Variants in TMX4 observed in about 807,000 individuals in gnomAD.
TMX4 encodes thioredoxin-related transmembrane protein 4.
Under a neutral mutation model 33.3 loss-of-function variants are expected in TMX4, and 23 were observed. The ratio of observed to expected loss-of-function variants is 0.69; its 90% CI spans 0.50 to 0.98. The LOEUF is 0.98. Ranked by LOEUF, TMX4 falls within the 50% of genes least tolerant of loss-of-function variation. The pLI, the probability that TMX4 is intolerant of heterozygous loss-of-function variation, is 0.00. For missense variants in TMX4, 399 were observed against 448.9 expected, an observed-to-expected ratio of 0.89 and a Z score of 1.01; for synonymous variants, 164 against 161.5, an observed-to-expected ratio of 1.02 and a Z score of -0.12.
chr20:8,007,800 A>C (rs1041979195), intron 2 of TMX4, among the ~76,000 whole-genome samples: 3 of 152,232 alleles, frequency 2.0e-5, no homozygotes, highest in African/African-American at 4.8e-5. Flanking sequence ...AAACCTATTT[A>C]TCTCTGGTCC....
chr20:8,005,828 G>A (rs2050727028), intron 2 of TMX4, among the ~76,000 whole-genome samples: 1 of 152,114 alleles, frequency 6.6e-6, no homozygotes, highest in Admixed American at 6.5e-5. Context: ...CCGCTGGGTG[G>A]CCCAACTCCA....
intron 5 of TMX4, among the ~76,000 whole-genome samples, chr20:7,990,075 T>C (rs538524071): frequency 4.5e-4 from 69 of 152,058 alleles, no homozygotes; most frequent in Admixed American, 1.4e-3. Flanking sequence ...GGCGGGTGAA[T>C]CACGAGGTCA....
At chr20:7,987,461 G>T in intron 5 of TMX4, 72 bp from the exon 6 acceptor site, 1 of 1,118,528 alleles carries the variant, frequency 8.9e-7, no homozygotes, top group Non-Finnish European at 1.2e-6. Flanking sequence ...TCTCTCTCTA[G>T]CTGTTGTTTC....
rs1334095838 is a variant in TMX4, at chr20:8,019,482, G to A, written c.132C>T (p.Ala44=). ...PEQSRVQPMT[A]SNWTLVMEGE... is the part of the protein sequence containing the mutation. ...CCTCCATCACCAGCGTCCAGTTGGA[G>A]GCGGTCATGGGCTGGACCCGGCTCT... The change falls in exon 1 of 8, where the codon GCC becomes GCT. Residue 44 remains alanine (A), a synonymous_variant. Transcript: ENST00000246024. 1 of 1,515,014 alleles carries A rather than the reference G, an allele frequency of 6.6e-7. No homozygotes were observed. The highest frequency in any genetic ancestry group is 8.8e-7 in the Non-Finnish European group (1 of 1,131,112). 93.8% of individuals were successfully genotyped at this position (1,515,014 alleles called of 1,614,324 possible).
intron 2 of TMX4, among the ~76,000 whole-genome samples, chr20:8,003,948 A>G (rs1297258801): frequency 1.3e-5 from 2 of 152,130 alleles, no homozygotes; most frequent in East Asian, 1.9e-4. Flanking sequence ...ATTAACAATG[A>G]GGTTGCAGCA....
chr20:8,003,750 T>A (rs2050716560), intron 2 of TMX4, among the ~76,000 whole-genome samples: 1 of 152,150 alleles, frequency 6.6e-6, no homozygotes, highest in South Asian at 2.1e-4. Flanking sequence ...CCAAAATTGC[T>A]AGATTAAAGG....
At chr20:7,994,905 A>AAATTC (rs2050669317) in intron 5 of TMX4, among the ~76,000 whole-genome samples, 1 of 152,226 alleles carries the variant, frequency 6.6e-6, no homozygotes, top group East Asian at 1.9e-4. Context: ...AAACCACATG[A>AAATTC]AATTCAAACT....
At chr20:7,995,897 T>C (rs113087126) in intron 5 of TMX4, 129 bp downstream of exon 5, 5 of 762,404 alleles carry the variant, frequency 6.6e-6, no homozygotes, top group South Asian at 1.9e-5. Context: ...ATGAGAGTAG[T>C]TGCATGGCTT....
intron 1 of TMX4, among the ~76,000 whole-genome samples, chr20:8,018,477 A>AGG (rs549413865): frequency 1.2e-4 from 2 of 16,250 alleles, no homozygotes; most frequent in African/African-American, 2.9e-4. Context: ...GGAGGGAGGG[A>AGG]GGGGGAGAGA....
chr20:7,986,682 T>A (rs1205811120), intron 6 of TMX4, among the ~76,000 whole-genome samples: 1 of 152,172 alleles, frequency 6.6e-6, no homozygotes, highest in Non-Finnish European at 1.5e-5. Context: ...GCCTATGTAG[T>A]TAGATAAATA....
intron 5 of TMX4, among the ~76,000 whole-genome samples, chr20:7,990,769 A>T (rs777788798): frequency 3.3e-5 from 5 of 152,220 alleles, no homozygotes; most frequent in Non-Finnish European, 7.3e-5. Context: ...TTTCAGACAC[A>T]GATCAGAATC....
At chr20:8,005,471 G>A (rs1029361133) in intron 2 of TMX4, among the ~76,000 whole-genome samples, 4 of 152,182 alleles carry the variant, frequency 2.6e-5, no homozygotes, top group Admixed American at 6.5e-5. Flanking sequence ...GGAAGTGCTG[G>A]GAGGGGAAAG....
chr20:8,019,753 G>A lies in TMX4; in HGVS notation c.-140C>T. ...CGCCTACGCCTAGCGGCGCAGACTG[G>A]CGGTGCTCGCAATGCCGCGGAGGAC... On this transcript the variant is annotated 5_prime_UTR_variant, in exon 1 of 8. Transcript: ENST00000246024. 4.2e-6 allele frequency: 3 copies of A among 707,402 alleles called. No homozygotes were observed. Among genetic ancestry groups the A allele is most frequent in the Non-Finnish European group, 5.9e-6 (3 of 504,906 alleles). The allele number at this position is 707,402 out of a possible 1,614,324, so 43.8% of individuals were successfully genotyped here.
intron 4 of TMX4, among the ~76,000 whole-genome samples, chr20:7,997,507 TAA>T (rs1162887988): frequency 7.0e-6 from 1 of 143,656 alleles, no homozygotes. Flanking sequence ...TTTCCTTATT[TAA>T]AAAAAAAAAA....
At chr20:8,011,578 T>C (rs546085710) in intron 1 of TMX4, among the ~76,000 whole-genome samples, 4 of 152,054 alleles carry the variant, frequency 2.6e-5, no homozygotes, top group East Asian at 1.9e-4. Flanking sequence ...TTTCGCATTA[T>C]AAAAGATGAG....
intron 6 of TMX4, among the ~76,000 whole-genome samples, chr20:7,984,111 C>A (rs1196560612): frequency 6.6e-6 from 1 of 152,130 alleles, no homozygotes. Context: ...AATAGATGAA[C>A]CAAGCAGGTA....
Position 7,980,785 on chromosome 20 carries a change from CAG to C in TMX4, c.*1464_*1465del, listed in dbSNP as rs1600138029. 1 of 152,212 alleles carries C rather than the reference CAG, an allele frequency of 6.6e-6. No individual in the cohort carries two copies. The highest frequency in any genetic ancestry group is 2.4e-5 in the African/African-American group (1 of 41,448). 9.4% of individuals were successfully genotyped at this position (152,212 alleles called of 1,614,324 possible). A position where few individuals can be genotyped will look rare whatever the true frequency, so the allele number is the denominator to read the frequency against. Reference sequence around the variant, plus strand: ...ACATCTTCATTCAACCACAGGAGGGCAGAGAGTTTCAGAACCTCCCCCACCAG... The same window carrying C: ...ACATCTTCATTCAACCACAGGAGGGCAGAGTTTCAGAACCTCCCCCACCAG... On this transcript the variant is annotated 3_prime_UTR_variant, in exon 8 of 8. Coordinates refer to ENST00000246024, the MANE Select transcript of TMX4 (RefSeq NM_021156.4).
chr20:7,992,410 T>G (rs1183871200), intron 5 of TMX4, among the ~76,000 whole-genome samples: 1 of 152,178 alleles, frequency 6.6e-6, no homozygotes, highest in African/African-American at 2.4e-5. Flanking sequence ...AAAGAAAATT[T>G]AAATTTAGTG....
intron 1 of TMX4, among the ~76,000 whole-genome samples, chr20:8,017,337 C>T (rs890880284): frequency 2.0e-5 from 3 of 152,208 alleles, no homozygotes; most frequent in Non-Finnish European, 4.4e-5. Context: ...TGTGTCTACA[C>T]AGCTTACTTC....
Sources: allele counts gnomAD v4.1 joint callset (sites outside exome capture counted in the v4.1 genomes callset), GRCh38; gene constraint gnomAD v4.1.1; transcripts MANE v1.5; gene names NCBI Gene and HGNC (gene_info 2026-07-23, HGNC 2026-07-21).